CDC42SE2: variants seen among roughly 807,000 people sequenced by gnomAD.
CDC42SE2 encodes the protein CDC42 small effector 2.
A neutral mutation model predicts 11.5 loss-of-function variants in CDC42SE2; 3 were observed. That is an observed-to-expected ratio of 0.26 (90% CI 0.12 to 0.67). CDC42SE2 has a LOEUF of 0.67. Among genes scored for constraint, CDC42SE2 ranks in the 30% least tolerant of loss-of-function variants. CDC42SE2 has a pLI of 0.80. For missense variants in CDC42SE2, 82 were observed against 106.8 expected, an observed-to-expected ratio of 0.77 and a Z score of 1.02; for synonymous variants, 33 against 34.8, an observed-to-expected ratio of 0.95 and a Z score of 0.18.
intron 2 of CDC42SE2, among the ~76,000 whole-genome samples, chr5:131,345,309 A>G (rs963652389): frequency 2.0e-5 from 3 of 152,190 alleles, no homozygotes; most frequent in Admixed American, 1.3e-4. Flanking sequence ...AAGTCCTTAC[A>G]TGACCTGATG....
chr5:131,319,770 G>T lies in CDC42SE2; in HGVS notation c.-286+3626G>T, dbSNP rs1758122041. 1.3e-5 allele frequency among the ~76,000 whole-genome samples: 2 copies of T among 152,084 alleles called. 1 individual carries two copies. Among genetic ancestry groups the T allele is most frequent in the South Asian group, 4.2e-4 (2 of 4,818 alleles). On this transcript the variant is annotated intron_variant, in intron 2 of 4. Transcript: ENST00000505065. ...AATTCTTTAAAAGAATGAGCATTTAGGCCAGGCACGGTGGCTCACGCCTGT... is the reference window on the plus strand; with the variant it reads ...AATTCTTTAAAAGAATGAGCATTTATGCCAGGCACGGTGGCTCACGCCTGT...
Position 131,308,151 on chromosome 5 carries a change from C to A in CDC42SE2, c.-454-7825C>A, listed in dbSNP as rs1420645359. Among the ~76,000 whole-genome samples the A allele has an allele frequency of 2.0e-4, 31 of 152,260 alleles. 1 individual carries two copies. The South Asian group carries it at 2.3e-3, about 11-fold the overall frequency. ...GTGTAAGGAAGGGATCCAGTTTCAG[C>A]TTTCTACATAAGGCTAGCCAGTTTT... On this transcript the variant is annotated intron_variant, in intron 1 of 4. Coordinates refer to ENST00000505065, the MANE Select transcript of CDC42SE2 (RefSeq NM_001375635.1).
chr5:131,271,484 T>C (rs1299689363), intron 1 of CDC42SE2, among the ~76,000 whole-genome samples: 2 of 152,188 alleles, frequency 1.3e-5, no homozygotes, highest in African/African-American at 4.8e-5. Context: ...CTAGAGATGA[T>C]TTAAAGTATA....
chr5:131,235,659 G>T, the CDC42SE2 span, among the ~76,000 whole-genome samples: 1 of 148,036 alleles, frequency 6.8e-6, no homozygotes, highest in Non-Finnish European at 1.5e-5. Flanking sequence ...CAATGGCATG[G>T]TCTCGGCTCA....
chr5:131,255,665 C>A (rs1246803309), intron 2 of CDC42SE2: 1 of 152,108 alleles, frequency 6.6e-6, no homozygotes, highest in African/African-American at 2.4e-5. Flanking sequence ...GAGGCTGAGG[C>A]AAGAGAATTG....
the CDC42SE2 span, among the ~76,000 whole-genome samples, chr5:131,234,052 GA>G: frequency 0.013 from 1,932 of 151,346 alleles, 39 homozygotes; most frequent in African/African-American, 0.043. Context: ...ATATGTGCAA[GA>G]AAAAAAAATT....
intron 3 of CDC42SE2, among the ~76,000 whole-genome samples, chr5:131,376,666 A>G (rs1038572055): frequency 6.6e-6 from 1 of 152,102 alleles, no homozygotes; most frequent in Non-Finnish European, 1.5e-5. Flanking sequence ...CTACTCTCAG[A>G]TGGGTCCTGG....
chr5:131,229,167 G>T, the CDC42SE2 span, among the ~76,000 whole-genome samples: 6 of 140,462 alleles, frequency 4.3e-5, no homozygotes, highest in Non-Finnish European at 9.0e-5. Flanking sequence ...ACCTTATGGG[G>T]TGTGTGTGTG....
At chr5:131,386,964 A>T (rs1237669062) in intron 4 of CDC42SE2, among the ~76,000 whole-genome samples, 1 of 152,194 alleles carries the variant, frequency 6.6e-6, no homozygotes, top group Non-Finnish European at 1.5e-5. Context: ...ATGACATTTG[A>T]ACCTTGCCGG....
chr5:131,371,806 A>G (rs752802599), intron 3 of CDC42SE2, among the ~76,000 whole-genome samples: 2 of 152,274 alleles, frequency 1.3e-5, no homozygotes, highest in African/African-American at 2.4e-5. Flanking sequence ...TTGTGAGACT[A>G]TGCAGATACA....
chr5:131,222,327 G>C, the CDC42SE2 span, among the ~76,000 whole-genome samples: 1 of 152,218 alleles, frequency 6.6e-6, no homozygotes, highest in Non-Finnish European at 1.5e-5. Context: ...CTGGTTAAAA[G>C]CATAGGCTTT....
At chr5:131,388,530 T>C (rs1334132209) in intron 4 of CDC42SE2, among the ~76,000 whole-genome samples, 3 of 152,222 alleles carry the variant, frequency 2.0e-5, no homozygotes, top group African/African-American at 7.2e-5. Flanking sequence ...TAATTTCTTT[T>C]TTCTTCTAAA....
intron 2 of CDC42SE2, among the ~76,000 whole-genome samples, chr5:131,326,620 A>G (rs1326859336): frequency 1.3e-5 from 2 of 151,276 alleles, no homozygotes; most frequent in East Asian, 1.9e-4. Context: ...TTCTCCCTCC[A>G]TTTTCTACAG....
intron 1 of CDC42SE2, among the ~76,000 whole-genome samples, chr5:131,309,053 G>A (rs1367642695): frequency 6.6e-6 from 1 of 151,620 alleles, no homozygotes; most frequent in Non-Finnish European, 1.5e-5. Flanking sequence ...TCCAGTTTTT[G>A]CCCATTCAGT....
intron 2 of CDC42SE2, among the ~76,000 whole-genome samples, chr5:131,317,886 TTC>T (rs1175702477): frequency 1.3e-5 from 2 of 151,716 alleles, no homozygotes; most frequent in Non-Finnish European, 2.9e-5. Context: ...TCTTGATCGA[TTC>T]TGATGAAAAT....
At chr5:131,296,168 G>A (rs943331451) in intron 1 of CDC42SE2, among the ~76,000 whole-genome samples, 3 of 152,174 alleles carry the variant, frequency 2.0e-5, no homozygotes, top group African/African-American at 4.8e-5. Context: ...TAATAGAAAC[G>A]TGGATTCCGT....
chr5:131,314,041 T>G (rs1757987759), intron 1 of CDC42SE2, among the ~76,000 whole-genome samples: 1 of 152,004 alleles, frequency 6.6e-6, no homozygotes, highest in Admixed American at 6.6e-5. Context: ...TACAAAAAGG[T>G]CAGCTGGGAT....
rs929949745 is a variant in CDC42SE2, at chr5:131,391,339, G to C, written c.*248G>C. 5.7e-6 allele frequency: 1 copy of C among 175,904 alleles called. No homozygotes were observed. Among genetic ancestry groups the C allele is most frequent in the Admixed American group, 6.3e-5 (1 of 15,990 alleles). The allele number at this position is 175,904 out of a possible 1,614,324, so 10.9% of individuals were successfully genotyped here. A position where few individuals can be genotyped will look rare whatever the true frequency, so the allele number is the denominator to read the frequency against. On this transcript the variant is annotated 3_prime_UTR_variant, in exon 5 of 5. Coordinates refer to ENST00000505065, the MANE Select transcript of CDC42SE2 (RefSeq NM_001375635.1). ...TTGGGGAGGATTCTGATGACAAGAT[G>C]CTTCTTATGTGTCCTTTAAACAAGA...
chr5:131,289,207 C>T (rs1385177084), intron 1 of CDC42SE2, among the ~76,000 whole-genome samples: 4 of 152,148 alleles, frequency 2.6e-5, no homozygotes, highest in African/African-American at 9.7e-5. Context: ...ATGGGAAGTA[C>T]TGCTATAAAA....
Sources: gnomAD v4.1 joint callset for allele counts (sites outside exome capture counted in the v4.1 genomes callset) on GRCh38, gnomAD v4.1.1 for gene constraint, MANE v1.5 for transcripts, NCBI Gene and HGNC (gene_info 2026-07-23, HGNC 2026-07-21) for gene names.